The following ZNF385D variants were observed in gnomAD, a reference collection of about 807,000 sequenced individuals.
ZNF385D encodes zinc finger protein 659.
In ZNF385D, 15 loss-of-function variants were observed where a neutral mutation model predicts 35.8. That is an observed-to-expected ratio of 0.42 (90% CI 0.28 to 0.64). The LOEUF is 0.64. Among genes scored for constraint, ZNF385D ranks in the 30% least tolerant of loss-of-function variants. The probability of loss-of-function intolerance (pLI) is 0.23; values close to 1 mark genes in which losing one functional copy is unlikely to be tolerated. For synonymous variants in ZNF385D, 212 were observed against 186.8 expected (o/e 1.13, Z -1.10); for missense variants, 474 against 494.6 (o/e 0.96, Z 0.39).
At chr3:22,049,277 C>G (rs1366618081) in intron 3 of ZNF385D, among the ~76,000 whole-genome samples, 1 of 95,728 alleles carries the variant, frequency 1.0e-5, no homozygotes, top group South Asian at 3.1e-4. Flanking sequence ...GCCTGGGAAA[C>G]AAGAGCGAAA....
In ZNF385D at chr3:21,981,287, G is replaced by A. The variant is rs201635839; in HGVS notation, c.325+187530C>T. ...GACTGGTATAAGATGGTAACTCATT[G>A]TGGTTTTGATTTGCATTTCTCTAAT... On this transcript the variant is annotated intron_variant, in intron 3 of 5. Coordinates refer to the ZNF385D transcript ENST00000494108. 3.3e-5 allele frequency among the ~76,000 whole-genome samples: 5 copies of A among 152,144 alleles called. No individual in the cohort carries two copies. In the East Asian group the frequency reaches 9.6e-4, roughly 29 times the overall value.
chr3:21,927,244 G>C (rs569303986), intron 3 of ZNF385D, among the ~76,000 whole-genome samples: 1 of 151,866 alleles, frequency 6.6e-6, no homozygotes, highest in African/African-American at 2.4e-5. Flanking sequence ...TTCTTGTATA[G>C]CTTGCAGAAC....
chr3:22,050,724 T>C (rs917209623), intron 3 of ZNF385D, among the ~76,000 whole-genome samples: 2 of 152,232 alleles, frequency 1.3e-5, no homozygotes, highest in Non-Finnish European at 2.9e-5. Context: ...TATCTGATTC[T>C]GAAATTATAT....
At chr3:21,530,659 A>T (rs1433236153) in intron 3 of ZNF385D, among the ~76,000 whole-genome samples, 1 of 152,104 alleles carries the variant, frequency 6.6e-6, no homozygotes, top group Non-Finnish European at 1.5e-5. Context: ...TGATCAAACA[A>T]GTTTTTTTTC....
At chr3:22,211,642 C>T (rs1228680020) in intron 2 of ZNF385D, among the ~76,000 whole-genome samples, 1 of 151,984 alleles carries the variant, frequency 6.6e-6, no homozygotes, top group African/African-American at 2.4e-5. Flanking sequence ...AGAGTGCTGC[C>T]TTGGGGCAGA....
chr3:21,542,882 C>G (rs1575137785), intron 3 of ZNF385D: 2 of 152,398 alleles, frequency 1.3e-5, no homozygotes, highest in East Asian at 1.9e-4. Context: ...CCCTTTAAAC[C>G]TTCTCCAAAC....
At position 21,418,832 on chromosome 3, in the gene ZNF385D, C is replaced by T. The variant is rs535285656; in HGVS notation, c.*2382G>A. The T allele has an allele frequency of 6.6e-6, 1 of 152,178 alleles. No individual in the cohort carries two copies. Among genetic ancestry groups the T allele is most frequent in the African/African-American group, 2.4e-5 (1 of 41,518 alleles). 9.4% of individuals were successfully genotyped at this position (152,178 alleles called of 1,614,324 possible). A position where few individuals can be genotyped will look rare whatever the true frequency, so the allele number is the denominator to read the frequency against. ...GGGACTCAGGATGATTATGGAAAAT[C>T]AAAATATTTGACATAGCAGAAAAGG... On this transcript the variant is annotated 3_prime_UTR_variant, in exon 8 of 8. Transcript: ENST00000281523.
At chr3:22,004,269 C>A (rs1188961039) in intron 3 of ZNF385D, among the ~76,000 whole-genome samples, 1 of 152,050 alleles carries the variant, frequency 6.6e-6, no homozygotes, top group Non-Finnish European at 1.5e-5. Flanking sequence ...TATCTCTCAG[C>A]ATATTCAAAA....
At chr3:21,716,950 C>T (rs550049922) in intron 1 of ZNF385D, among the ~76,000 whole-genome samples, 1 of 151,858 alleles carries the variant, frequency 6.6e-6, no homozygotes, top group Non-Finnish European at 1.5e-5. Flanking sequence ...GGTGAAACCC[C>T]GTCTCTACTA....
rs747304863 is a variant in ZNF385D, at chr3:22,053,234, T to C, written c.325+115583A>G. Among the ~76,000 whole-genome samples, 25 of 85,624 alleles carry C rather than the reference T, an allele frequency of 2.9e-4. 8 individuals carry two copies. Among genetic ancestry groups the C allele is most frequent in the Non-Finnish European group, 4.8e-4 (20 of 41,770 alleles). 56.2% of individuals were successfully genotyped at this position (85,624 alleles called of 152,430 possible). A position where few individuals can be genotyped will look rare whatever the true frequency, so the allele number is the denominator to read the frequency against. ...AACTAGAAAAGCAAGAGCAAACACA[T>C]TCAAAAGCTAGCAGAAGGCAAGAAA... On this transcript the variant is annotated intron_variant, in intron 3 of 5. Coordinates refer to the ZNF385D transcript ENST00000494108.
chr3:21,519,441 G>A (rs1323411320), intron 3 of ZNF385D, among the ~76,000 whole-genome samples: 2 of 152,144 alleles, frequency 1.3e-5, no homozygotes. Context: ...AGTAGAGAGT[G>A]CTTACCTGAG....
intron 2 of ZNF385D, among the ~76,000 whole-genome samples, chr3:22,183,007 T>C (rs959149418): frequency 6.6e-6 from 1 of 152,044 alleles, no homozygotes; most frequent in African/African-American, 2.4e-5. Context: ...TAAAATTAAA[T>C]TGTAAAAAAC....
intron 2 of ZNF385D, among the ~76,000 whole-genome samples, chr3:22,202,221 C>T (rs540764549): frequency 1.3e-4 from 20 of 152,124 alleles, no homozygotes; most frequent in Middle Eastern, 3.4e-3. Context: ...CTTAAGAAAG[C>T]TCATAGAAGA....
intron 2 of ZNF385D, among the ~76,000 whole-genome samples, chr3:22,256,937 ATT>A (rs1451415218): frequency 4.6e-5 from 7 of 151,914 alleles, no homozygotes; most frequent in South Asian, 4.1e-4. Context: ...AAGATAGAAA[ATT>A]TTTTTCAGGT....
At chr3:21,918,643 T>C (rs575394429) in intron 3 of ZNF385D, among the ~76,000 whole-genome samples, 1 of 152,310 alleles carries the variant, frequency 6.6e-6, no homozygotes, top group East Asian at 1.9e-4. Context: ...ACATGGTCTG[T>C]GGTTTAAGAA....
chr3:21,832,181 G>C lies in ZNF385D; in HGVS notation c.326-167153C>G, dbSNP rs143242275. Among the ~76,000 whole-genome samples the C allele has an allele frequency of 6.8e-3, 1,034 of 152,004 alleles. 6 individuals carry two copies. Among genetic ancestry groups the C allele is most frequent in the African/African-American group, 0.023 (951 of 41,462 alleles). On this transcript the variant is annotated intron_variant, in intron 3 of 5. Transcript: ENST00000494108. The stretch of plus-strand genomic sequence containing the variant: ...ACAATACTCACTATGTTAATAAACT[G>C]TGTGCCTTATTTGTTTTTCTTCACA...
At chr3:21,505,618 C>T (rs1234749966) in intron 4 of ZNF385D, among the ~76,000 whole-genome samples, 4 of 152,136 alleles carry the variant, frequency 2.6e-5, no homozygotes, top group Non-Finnish European at 4.4e-5. Flanking sequence ...TTTCACAAGC[C>T]ATAACTACAG....
At position 22,155,294 on chromosome 3, in the gene ZNF385D, G is replaced by A. The variant is rs1249650801; in HGVS notation, c.325+13523C>T. Among the ~76,000 whole-genome samples, 3 of 152,058 alleles carry A rather than the reference G, an allele frequency of 2.0e-5. No homozygotes were observed. In the South Asian group the frequency reaches 6.2e-4, roughly 32 times the overall value. ...TCAGAATCAGTCATATGGGATGTGG[G>A]GTCTCCGCTTTGATTTTTTTTCCAT... is the stretch of plus-strand genomic sequence containing the variant. On this transcript the variant is annotated intron_variant, in intron 3 of 5. Transcript: ENST00000494108.
intron 2 of ZNF385D, among the ~76,000 whole-genome samples, chr3:22,207,463 C>G (rs921796593): frequency 1.3e-5 from 2 of 151,904 alleles, no homozygotes; most frequent in African/African-American, 4.8e-5. Flanking sequence ...AGACTTAAAT[C>G]TAAGACCTCA....
Sources: allele counts gnomAD v4.1 joint callset (sites outside exome capture counted in the v4.1 genomes callset), GRCh38; gene constraint gnomAD v4.1.1; transcripts MANE v1.5; gene names NCBI Gene and HGNC (gene_info 2026-07-23, HGNC 2026-07-21).